CNTNAP2: variants seen among roughly 807,000 people sequenced by gnomAD.
CNTNAP2 encodes the protein contactin associated protein 2.
Under a neutral mutation model 155.2 loss-of-function variants are expected in CNTNAP2, and 98 were observed. That is an observed-to-expected ratio of 0.63 (90% CI 0.54 to 0.75). CNTNAP2 has a LOEUF of 0.75. Ranked by LOEUF, CNTNAP2 falls within the 30% of genes least tolerant of loss-of-function variation. The pLI is 0.00. For missense variants in CNTNAP2, 1,727 were observed against 1,688.1 expected (o/e 1.02, Z -0.40); for synonymous variants, 651 against 631.2 (o/e 1.03, Z -0.47).
chr7:147,203,415 A>G (rs1007089739), intron 8 of CNTNAP2, among the ~76,000 whole-genome samples: 2 of 151,958 alleles, frequency 1.3e-5, no homozygotes, highest in Non-Finnish European at 2.9e-5. Context: ...TATTTTTAGT[A>G]GAGATAGTGT....
chr7:147,998,225 C>T (rs1156993914), intron 15 of CNTNAP2, among the ~76,000 whole-genome samples: 3 of 149,844 alleles, frequency 2.0e-5, no homozygotes, highest in African/African-American at 7.4e-5. Context: ...GATTCTCCTG[C>T]CTCAGCCTCT....
At chr7:148,295,606 C>T (rs1037649628) in intron 21 of CNTNAP2, among the ~76,000 whole-genome samples, 1 of 137,912 alleles carries the variant, frequency 7.3e-6, no homozygotes, top group Admixed American at 7.0e-5. Flanking sequence ...ATTCTCCTGC[C>T]TCAGCCTCCC....
At chr7:148,092,675 C>T (rs865904432) in intron 15 of CNTNAP2, among the ~76,000 whole-genome samples, 1 of 152,092 alleles carries the variant, frequency 6.6e-6, no homozygotes, top group Non-Finnish European at 1.5e-5. Context: ...TTTGTTCTCT[C>T]GATGTACCTC....
chr7:147,264,533 C>T (rs1466225107), intron 8 of CNTNAP2, among the ~76,000 whole-genome samples: 1 of 66 alleles, frequency 0.015, no homozygotes, highest in Non-Finnish European at 0.029. Flanking sequence ...CTTACTGGTC[C>T]CTGCGGGCCT....
chr7:147,861,999 CAAAAAAAAAA>C (rs57139075), intron 13 of CNTNAP2, among the ~76,000 whole-genome samples: 1 of 94,976 alleles, frequency 1.1e-5, no homozygotes, highest in Non-Finnish European at 2.1e-5. Flanking sequence ...CTCCATCTCA[CAAAAAAAAAA>C]AAAAAAAAAA....
chr7:146,431,932 T>G (rs1252653011), intron 1 of CNTNAP2, among the ~76,000 whole-genome samples: 4 of 152,112 alleles, frequency 2.6e-5, no homozygotes, highest in African/African-American at 9.7e-5. Context: ...ATACATTTGT[T>G]TGCTCTCTCT....
At chr7:146,298,466 A>G (rs1800551168) in intron 1 of CNTNAP2, among the ~76,000 whole-genome samples, 1 of 152,188 alleles carries the variant, frequency 6.6e-6, no homozygotes, top group Non-Finnish European at 1.5e-5. Flanking sequence ...TTTGGAAAGG[A>G]TTTGACATCT....
chr7:147,850,069 C>T (rs1053251901), intron 13 of CNTNAP2: 2 of 152,106 alleles, frequency 1.3e-5, no homozygotes, highest in Non-Finnish European at 2.9e-5. Context: ...TGGAAAGAGG[C>T]AACATTTTAA....
At chr7:146,643,959 G>A (rs1376235305) in intron 1 of CNTNAP2, among the ~76,000 whole-genome samples, 5 of 152,134 alleles carry the variant, frequency 3.3e-5, no homozygotes, top group Non-Finnish European at 7.3e-5. Flanking sequence ...TTAGCTCTCT[G>A]TTGGTCTGTT....
intron 2 of CNTNAP2, among the ~76,000 whole-genome samples, chr7:146,808,724 G>T (rs1803011905): frequency 6.6e-6 from 1 of 152,112 alleles, no homozygotes; most frequent in African/African-American, 2.4e-5. Context: ...CTAGCCCCTT[G>T]AAACTATCAT....
intron 1 of CNTNAP2, among the ~76,000 whole-genome samples, chr7:146,178,637 T>C (rs1798506862): frequency 6.6e-6 from 1 of 152,186 alleles, no homozygotes; most frequent in African/African-American, 2.4e-5. Context: ...TTCCTATTTT[T>C]TTAATGCTAA....
chr7:147,961,982 A>C (rs1352450797), intron 14 of CNTNAP2, among the ~76,000 whole-genome samples: 4 of 152,234 alleles, frequency 2.6e-5, no homozygotes, highest in Non-Finnish European at 5.9e-5. Flanking sequence ...GTAAAAAGAA[A>C]CAGAAACAAA....
chr7:146,798,946 C>G (rs1444800180), intron 2 of CNTNAP2, among the ~76,000 whole-genome samples: 1 of 152,104 alleles, frequency 6.6e-6, no homozygotes, highest in Non-Finnish European at 1.5e-5. Flanking sequence ...ATTATGTGAG[C>G]TAAATTGTAT....
chr7:147,569,216 A>T (rs1800234846), intron 12 of CNTNAP2, among the ~76,000 whole-genome samples: 1 of 152,176 alleles, frequency 6.6e-6, no homozygotes, highest in Non-Finnish European at 1.5e-5. Flanking sequence ...GGAAGTTTCT[A>T]AGCGCTTGCA....
intron 15 of CNTNAP2, among the ~76,000 whole-genome samples, chr7:148,015,099 T>G (rs1802152994): frequency 6.6e-6 from 1 of 152,230 alleles, no homozygotes; most frequent in Admixed American, 6.5e-5. Flanking sequence ...AACACTTTTA[T>G]TTGTAACAGC....
At chr7:147,362,462 C>G (rs1796162344) in intron 9 of CNTNAP2, among the ~76,000 whole-genome samples, 1 of 152,120 alleles carries the variant, frequency 6.6e-6, no homozygotes, top group Non-Finnish European at 1.5e-5. Flanking sequence ...TATGTCCTAG[C>G]CTTAGACATC....
intron 3 of CNTNAP2, among the ~76,000 whole-genome samples, chr7:146,875,897 T>TACACACACGCACACACACACAC (rs1795411447): frequency 2.0e-5 from 2 of 100,818 alleles, no homozygotes; most frequent in Non-Finnish European, 3.5e-5. Flanking sequence ...CACACACACA[T>TACACACACGCACACACACACAC]ACACACACGC....
At chr7:146,492,529 A>G (rs917639499) in intron 1 of CNTNAP2, among the ~76,000 whole-genome samples, 2 of 152,168 alleles carry the variant, frequency 1.3e-5, no homozygotes, top group African/African-American at 4.8e-5. Context: ...CTTCTTAAGC[A>G]GGTGTCAAAC....
At chr7:146,133,655 A>G (rs1247226156) in intron 1 of CNTNAP2, among the ~76,000 whole-genome samples, 2 of 152,076 alleles carry the variant, frequency 1.3e-5, no homozygotes, top group Admixed American at 1.3e-4. Context: ...TCCCAGCACC[A>G]TTTATTAAAT....
Sources: allele counts gnomAD v4.1 joint callset (sites outside exome capture counted in the v4.1 genomes callset), GRCh38; gene constraint gnomAD v4.1.1; transcripts MANE v1.5; gene names NCBI Gene and HGNC (gene_info 2026-07-23, HGNC 2026-07-21).